Variants in CAMK1D observed in about 807,000 individuals in gnomAD.
The protein encoded by CAMK1D is calcium/calmodulin-dependent protein kinase type 1D.
Under a neutral mutation model 47.7 loss-of-function variants are expected in CAMK1D, and 9 were observed. The observed-to-expected ratio is 0.19, with a 90% confidence interval of 0.11 to 0.33. CAMK1D has a LOEUF of 0.33. Ranked by LOEUF, CAMK1D falls within the 10% of genes least tolerant of loss-of-function variation. The probability of loss-of-function intolerance (pLI) is 1.00; values close to 1 mark genes in which losing one functional copy is unlikely to be tolerated. For synonymous variants in CAMK1D, 184 were observed against 184.9 expected (o/e 0.99, Z 0.04); for missense variants, 291 against 488.7 (o/e 0.60, Z 3.81).
chr10:12,630,005 G>A (rs1159933251), intron 2 of CAMK1D, among the ~76,000 whole-genome samples: 1 of 152,198 alleles, frequency 6.6e-6, no homozygotes, highest in African/African-American at 2.4e-5. Context: ...CGGAGAGGCT[G>A]AGGTCAGAAG....
intron 1 of CAMK1D, among the ~76,000 whole-genome samples, chr10:12,478,274 C>G: frequency 6.6e-6 from 1 of 151,912 alleles, no homozygotes; most frequent in East Asian, 1.9e-4. Context: ...TCCCAAAGTG[C>G]TGGGATTACA....
At chr10:12,714,807 A>ACACACACACAC in intron 3 of CAMK1D, among the ~76,000 whole-genome samples, 1 of 86,566 alleles carries the variant, frequency 1.2e-5, no homozygotes, top group Non-Finnish European at 2.6e-5. Context: ...CACACACACA[A>ACACACACACAC]TGTCTGATTA....
chr10:12,485,801 T>C (rs911993752), intron 1 of CAMK1D, among the ~76,000 whole-genome samples: 1 of 152,224 alleles, frequency 6.6e-6, no homozygotes, highest in Non-Finnish European at 1.5e-5. Context: ...ATTATTTTTT[T>C]CCCAGCATAT....
chr10:12,682,055 TA>T (rs1256717774), intron 3 of CAMK1D, among the ~76,000 whole-genome samples: 1 of 152,062 alleles, frequency 6.6e-6, no homozygotes, highest in Non-Finnish European at 1.5e-5. Context: ...CCGTCTCTAC[TA>T]AAAAATACAA....
intron 3 of CAMK1D, among the ~76,000 whole-genome samples, chr10:12,716,213 G>A (rs1013912460): frequency 2.6e-5 from 4 of 152,210 alleles, no homozygotes; most frequent in Admixed American, 1.3e-4. Flanking sequence ...CAGCCTTGGC[G>A]CTGTTGACAT....
chr10:12,782,953 G>C (rs1261080589), intron 5 of CAMK1D, among the ~76,000 whole-genome samples: 1 of 149,140 alleles, frequency 6.7e-6, no homozygotes, highest in Non-Finnish European at 1.5e-5. Flanking sequence ...TAACAGACTT[G>C]TTTTTTAGAG....
chr10:12,573,961 C>T (rs80143787), intron 2 of CAMK1D, among the ~76,000 whole-genome samples: 3,090 of 146,308 alleles, frequency 0.021, 116 homozygotes, highest in African/African-American at 0.074. Context: ...CAGGTGTGAG[C>T]CACTGCACTT....
chr10:12,502,144 C>G (rs1046886404), intron 1 of CAMK1D, among the ~76,000 whole-genome samples: 2 of 152,144 alleles, frequency 1.3e-5, no homozygotes, highest in East Asian at 1.9e-4. Context: ...GGCGGAGGCT[C>G]TGTGCCGGGA....
Position 12,478,805 on chromosome 10 carries a change from C to T in CAMK1D, c.93-74420C>T, listed in dbSNP as rs1455110086. On this transcript the variant is annotated intron_variant, in intron 1 of 10. Transcript: ENST00000619168. ...CCTCTCTCTCATGCTCTCCTTTAAA[C>T]CGCTTCCCTGTTACAGATTCCATCC... is the stretch of plus-strand genomic sequence containing the variant. 5.9e-5 allele frequency among the ~76,000 whole-genome samples: 9 copies of T among 152,276 alleles called. No homozygotes were observed. In the East Asian group the frequency reaches 1.7e-3, roughly 29 times the overall value.
At chr10:12,746,363 CAA>C (rs542434085) in intron 3 of CAMK1D, among the ~76,000 whole-genome samples, 23 of 86,812 alleles carry the variant, frequency 2.6e-4, no homozygotes, top group Admixed American at 5.1e-4. Context: ...GACTCCGTCT[CAA>C]AAAAAAAAAA....
At chr10:12,504,225 T>TACACACACACACACACACACACACAC (rs111662084) in intron 1 of CAMK1D, among the ~76,000 whole-genome samples, 30 of 147,616 alleles carry the variant, frequency 2.0e-4, no homozygotes, top group African/African-American at 7.6e-4. Context: ...ATACACATTT[T>TACACACACACACACACACACACACAC]ACACACACAC....
chr10:12,619,156 G>A (rs924295180), intron 2 of CAMK1D, among the ~76,000 whole-genome samples: 9 of 152,208 alleles, frequency 5.9e-5, no homozygotes, highest in African/African-American at 2.2e-4. Context: ...CTGCTAAGTA[G>A]TTTAAGTACT....
chr10:12,363,094 G>A (rs1487564783), intron 1 of CAMK1D, among the ~76,000 whole-genome samples: 2 of 151,552 alleles, frequency 1.3e-5, no homozygotes. Flanking sequence ...GTGCACGCCA[G>A]CACACCCAGC....
chr10:12,699,794 A>G (rs1053005592), intron 3 of CAMK1D, among the ~76,000 whole-genome samples: 15 of 152,176 alleles, frequency 9.9e-5, no homozygotes, highest in Non-Finnish European at 2.2e-4. Flanking sequence ...GTCCACATAA[A>G]CTTTTCATAA....
chr10:12,431,224 C>T (rs1176062515), intron 1 of CAMK1D, among the ~76,000 whole-genome samples: 1 of 152,194 alleles, frequency 6.6e-6, no homozygotes, highest in Non-Finnish European at 1.5e-5. Flanking sequence ...ATGTGAAAGG[C>T]AGTTTTGTCG....
intron 1 of CAMK1D, among the ~76,000 whole-genome samples, chr10:12,487,222 C>T (rs1271613562): frequency 1.3e-5 from 2 of 152,142 alleles, no homozygotes; most frequent in Non-Finnish European, 2.9e-5. Flanking sequence ...GCATTATGTT[C>T]ATATGTTCTC....
chr10:12,719,730 C>T (rs71492262), intron 3 of CAMK1D, among the ~76,000 whole-genome samples: 2 of 152,200 alleles, frequency 1.3e-5, no homozygotes, highest in Admixed American at 1.3e-4. Context: ...TACTCCTCCT[C>T]CTTCAGGGAG....
intron 2 of CAMK1D, among the ~76,000 whole-genome samples, chr10:12,627,671 A>G (rs533713797): frequency 5.3e-5 from 8 of 152,274 alleles, no homozygotes; most frequent in African/African-American, 1.7e-4. Flanking sequence ...TTCACTCAGC[A>G]TAATGTTTTT....
chr10:12,805,417 G>A lies in CAMK1D; in HGVS notation c.642-8778G>A, dbSNP rs182251001. Among the ~76,000 whole-genome samples, 436 of 143,766 alleles carry A rather than the reference G, an allele frequency of 3.0e-3. 1 individual carries two copies. Among genetic ancestry groups the A allele is most frequent in the African/African-American group, 0.011 (406 of 38,218 alleles). The allele number at this position is 143,766 out of a possible 152,430, so 94.3% of individuals were successfully genotyped here. A position where few individuals can be genotyped will look rare whatever the true frequency, so the allele number is the denominator to read the frequency against. On this transcript the variant is annotated intron_variant, in intron 6 of 10. Coordinates refer to ENST00000619168, the MANE Select transcript of CAMK1D (RefSeq NM_153498.4). Reference sequence around the variant, plus strand: ...ACAGAGTTTTGCTCTTGTTGCCCAGGCTAGAGTGCAGTGCGCGATCTCAGC... The same window carrying A: ...ACAGAGTTTTGCTCTTGTTGCCCAGACTAGAGTGCAGTGCGCGATCTCAGC...
Sources: allele counts gnomAD v4.1 joint callset (sites outside exome capture counted in the v4.1 genomes callset), GRCh38; gene constraint gnomAD v4.1.1; transcripts MANE v1.5; gene names NCBI Gene and HGNC (gene_info 2026-07-23, HGNC 2026-07-21).